Variants in FRYL observed in about 807,000 individuals in gnomAD.
The protein encoded by FRYL is FRY like transcription coactivator, also known as protein furry homolog-like.
FRYL carries 150 observed loss-of-function variants against 351.2 expected under a neutral mutation model. That is an observed-to-expected ratio of 0.43 (90% CI 0.37 to 0.49). FRYL has a LOEUF of 0.49. Ranked by LOEUF, FRYL falls within the 20% of genes least tolerant of loss-of-function variation. The pLI is 0.00. For synonymous variants in FRYL, 1,153 were observed against 1,257.1 expected (o/e 0.92, Z 1.75); for missense variants, 3,036 against 3,619.3 (o/e 0.84, Z 4.13).
chr4:48,559,975 T>C (rs1173871948), intron 33 of FRYL, among the ~76,000 whole-genome samples: 3 of 151,964 alleles, frequency 2.0e-5, no homozygotes, highest in Non-Finnish European at 4.4e-5. Context: ...AGAAAGGAAA[T>C]TGATACTAGT....
rs374362361 is a variant in FRYL at position 48,689,986 on chromosome 4, T to C, written c.-203-5191A>G. Reference sequence around the variant, plus strand: ...ATCTCGGCTCACTGCAAGCTCCGCCTCCCGGGTTCAAGCCATTCTCCTGCC... The same window carrying C: ...ATCTCGGCTCACTGCAAGCTCCGCCCCCCGGGTTCAAGCCATTCTCCTGCC... On this transcript the variant is annotated intron_variant, in intron 2 of 63. Transcript: ENST00000358350. Among the ~76,000 whole-genome samples the C allele has an allele frequency of 1.4e-3, 208 of 147,316 alleles. 1 individual carries two copies. The highest frequency in any genetic ancestry group is 4.6e-3 in the African/African-American group (184 of 40,064).
intron 2 of FRYL, among the ~76,000 whole-genome samples, chr4:48,689,198 A>G (rs1473864547): frequency 6.6e-6 from 1 of 152,194 alleles, no homozygotes; most frequent in South Asian, 2.1e-4. Context: ...AACAGCAGTT[A>G]TTGTCATATT....
chr4:48,749,292 T>C (rs1773005197), intron 1 of FRYL, among the ~76,000 whole-genome samples: 1 of 152,190 alleles, frequency 6.6e-6, no homozygotes, highest in South Asian at 2.1e-4. Flanking sequence ...AGCAAAACTC[T>C]TGTCTTTCAG....
At chr4:48,614,753 T>A (rs2149299550) in intron 7 of FRYL, among the ~76,000 whole-genome samples, 4 of 133,700 alleles carry the variant, frequency 3.0e-5, no homozygotes, top group Non-Finnish European at 4.8e-5. Context: ...AGAGAAACTA[T>A]AATAACAAAT....
intron 31 of FRYL, among the ~76,000 whole-genome samples, 200 bp downstream of exon 31, chr4:48,563,748 G>A (rs1310113076): frequency 6.6e-6 from 1 of 151,350 alleles, no homozygotes; most frequent in Non-Finnish European, 1.5e-5. Flanking sequence ...TTTGCATAGA[G>A]TAAATACAAA....
At chr4:48,536,056 T>G (rs1318362886) in intron 47 of FRYL, among the ~76,000 whole-genome samples, 1 of 152,212 alleles carries the variant, frequency 6.6e-6, no homozygotes, top group Non-Finnish European at 1.5e-5. Flanking sequence ...GGGTACTAAA[T>G]AGTACGGCCT....
intron 37 of FRYL, 79 bp from the exon 38 acceptor site, chr4:48,550,783 A>C (rs1198480812): frequency 3.7e-6 from 4 of 1,087,416 alleles, no homozygotes; most frequent in Non-Finnish European, 5.6e-6. Context: ...TTCTCTGTTT[A>C]AAAAAGGAGG....
chr4:48,569,384 G>A (rs1737726896), intron 27 of FRYL, among the ~76,000 whole-genome samples: 1 of 152,092 alleles, frequency 6.6e-6, no homozygotes, highest in South Asian at 2.1e-4. Flanking sequence ...TTGGCTCACA[G>A]CAACCTCCAC....
intron 36 of FRYL, 120 bp downstream of exon 36, chr4:48,553,095 G>T: frequency 3.1e-6 from 2 of 645,434 alleles, no homozygotes; most frequent in Non-Finnish European, 5.2e-6. Context: ...AAATTTTATT[G>T]TATATATCTG....
intron 35 of FRYL, among the ~76,000 whole-genome samples, chr4:48,556,057 G>A (rs1302842863): frequency 6.6e-6 from 1 of 152,096 alleles, no homozygotes; most frequent in Admixed American, 6.5e-5. Flanking sequence ...ACCACACCCG[G>A]CTAATTTTTG....
chr4:48,576,306 T>C, intron 23 of FRYL, 84 bp from the exon 24 acceptor site: 2 of 642,626 alleles, frequency 3.1e-6, no homozygotes, highest in South Asian at 4.4e-5. Context: ...CTAAATTTCT[T>C]TTTTTTTTTT....
chr4:48,746,554 A>G lies in FRYL; in HGVS notation c.-384+33524T>C, dbSNP rs563687332. Among the ~76,000 whole-genome samples, 27 of 152,078 alleles carry G rather than the reference A, an allele frequency of 1.8e-4. No homozygotes were observed. The South Asian group carries it at 5.6e-3, about 32-fold the overall frequency. ...AGCAAGACTCCGTTTTAAAAAAAAA[A>G]AAAAGAAAAAGAAAACAAACAAACA... On this transcript the variant is annotated intron_variant, in intron 1 of 63. Transcript: ENST00000358350.
rs763829722 is a variant in FRYL at position 48,602,088 on chromosome 4, C to T, written c.967G>A (p.Val323Ile). 6.2e-7 allele frequency: 1 copy of T among 1,600,180 alleles called. No individual in the cohort carries two copies. Among genetic ancestry groups the T allele is most frequent in the Admixed American group, 1.7e-5 (1 of 59,884 alleles). ...TTTAAAAAAAATTGTTTCTGACTGA[C>T]ACATAAAAGGCAGGTAATTAGTGGA... Reference protein sequence around the residue: ...LYPLITCLLCVSQKQFFLNNW... With the variant: ...LYPLITCLLCISQKQFFLNNW... Residue 323 changes from valine to isoleucine, a missense_variant, in exon 13 of 64, where the codon GTC becomes ATC. Coordinates refer to ENST00000358350, the MANE Select transcript of FRYL (RefSeq NM_015030.2).
At chr4:48,542,849 C>T (rs1487856899) in intron 44 of FRYL, among the ~76,000 whole-genome samples, 1 of 152,160 alleles carries the variant, frequency 6.6e-6, no homozygotes, top group Non-Finnish European at 1.5e-5. Flanking sequence ...CACTCTTGCC[C>T]TCCCTACAGA....
intron 57 of FRYL, among the ~76,000 whole-genome samples, chr4:48,511,575 A>G (rs549589787): frequency 1.7e-4 from 26 of 152,310 alleles, no homozygotes; most frequent in African/African-American, 5.8e-4. Context: ...TATGTGTTGC[A>G]CTGTTAGGTG....
chr4:48,551,044 C>T (rs1732631440), intron 37 of FRYL, among the ~76,000 whole-genome samples: 1 of 150,616 alleles, frequency 6.6e-6, no homozygotes, highest in Non-Finnish European at 1.5e-5. Flanking sequence ...TCCAGTCTGG[C>T]AACAGAGCGA....
At chr4:48,744,511 C>G (rs1178423394) in intron 1 of FRYL, among the ~76,000 whole-genome samples, 1 of 152,164 alleles carries the variant, frequency 6.6e-6, no homozygotes, top group East Asian at 1.9e-4. Flanking sequence ...AGAATGGAAT[C>G]AGAGAAAACC....
At chr4:48,691,360 G>A (rs942665932) in intron 2 of FRYL, among the ~76,000 whole-genome samples, 2 of 151,726 alleles carry the variant, frequency 1.3e-5, no homozygotes, top group African/African-American at 4.8e-5. Context: ...AAAAATCATG[G>A]CACATTCCTA....
chr4:48,686,348 C>G (rs1405251038), intron 2 of FRYL, among the ~76,000 whole-genome samples: 2 of 152,128 alleles, frequency 1.3e-5, no homozygotes, highest in African/African-American at 2.4e-5. Context: ...AAAATACTAA[C>G]TTGTTTGTGC....
Sources: allele counts gnomAD v4.1 joint callset (sites outside exome capture counted in the v4.1 genomes callset), GRCh38; gene constraint gnomAD v4.1.1; transcripts MANE v1.5; gene names NCBI Gene and HGNC (gene_info 2026-07-23, HGNC 2026-07-21).